The following CHODL variants were observed in gnomAD, a reference collection of about 807,000 sequenced individuals.
CHODL encodes the protein chondrolectin, also known as transmembrane protein MT75.
CHODL carries 29 observed loss-of-function variants against 34.5 expected under a neutral mutation model. The ratio of observed to expected loss-of-function variants is 0.84; its 90% CI spans 0.63 to 1.15. CHODL has a LOEUF of 1.15. CHODL is among the 50% of genes most tolerant of loss of function. CHODL has a pLI of 0.00. For synonymous variants in CHODL, 125 were observed against 116.1 expected, an observed-to-expected ratio of 1.08 and a Z score of -0.49; for missense variants, 332 against 332.5, an observed-to-expected ratio of 1.00 and a Z score of 0.01.
At position 18,121,768 on chromosome 21, in the gene CHODL, C is replaced by T. The variant is rs575651907; in HGVS notation, c.-45+93797C>T. Among the ~76,000 whole-genome samples, 8 of 152,236 alleles carry T rather than the reference C, an allele frequency of 5.3e-5. No homozygotes were observed. The South Asian group carries it at 1.7e-3, about 32-fold the overall frequency. On this transcript the variant is annotated intron_variant, in intron 2 of 6. Coordinates refer to the CHODL transcript ENST00000400127. ...ATCACACCTGTTTTTAACTCTCTAA[C>T]CACTGCTAATCACAATTAGAATAAA...
intron 1 of CHODL, among the ~76,000 whole-genome samples, chr21:17,976,373 G>T (rs1286528015): frequency 6.6e-6 from 1 of 151,224 alleles, no homozygotes; most frequent in Non-Finnish European, 1.5e-5. Context: ...GTAGATAATG[G>T]ATTCTTTTCA....
chr21:17,978,447 G>A lies in CHODL; in HGVS notation c.-144-49425G>A, dbSNP rs367686617. Among the ~76,000 whole-genome samples the A allele has an allele frequency of 2.9e-4, 44 of 151,026 alleles. No homozygotes were observed. The East Asian group carries it at 7.4e-3, about 26-fold the overall frequency. The stretch of plus-strand genomic sequence containing the variant: ...AAAAAAAAAAAAAAAGGCCGGGCGC[G>A]GTGGCGCACGCCTGTAATCCCAGCA... On this transcript the variant is annotated intron_variant, in intron 1 of 6. Transcript: ENST00000400127.
intron 1 of CHODL, among the ~76,000 whole-genome samples, chr21:17,948,319 A>T (rs891285124): frequency 3.9e-5 from 2 of 51,868 alleles, no homozygotes; most frequent in African/African-American, 1.7e-4. Flanking sequence ...AGAAAAAAGA[A>T]AAAAAAAGTT....
chr21:18,246,512 T>A lies in CHODL; in HGVS notation c.79+1210T>A, dbSNP rs115272885. On this transcript the variant is annotated intron_variant, in intron 1 of 5. Coordinates refer to ENST00000299295, the MANE Select transcript of CHODL (RefSeq NM_024944.3). ...TAGTTCTTACATGTGTAGTTACCGATCACTCTACACTTTTTTCAGAATTTT... is the reference window on the plus strand; with the variant it reads ...TAGTTCTTACATGTGTAGTTACCGAACACTCTACACTTTTTTCAGAATTTT... 7.8e-3 allele frequency among the ~76,000 whole-genome samples: 1,190 copies of A among 152,276 alleles called. 13 individuals are homozygous for A. Among genetic ancestry groups the A allele is most frequent in the African/African-American group, 0.027 (1,136 of 41,544 alleles).
rs576101943 is a variant in CHODL at position 18,027,349 on chromosome 21, A to G, written c.-144-523A>G. On this transcript the variant is annotated intron_variant, in intron 1 of 6. Transcript: ENST00000400127. The stretch of plus-strand genomic sequence containing the variant: ...TCCTTTCATTAGTTTTTTAATAGCA[A>G]TTATTAAACTAAATAGGTATGGATC... Among the ~76,000 whole-genome samples the G allele has an allele frequency of 2.6e-5, 4 of 152,308 alleles. No homozygotes were observed. In the South Asian group the frequency reaches 8.3e-4, roughly 32 times the overall value.
intron 2 of CHODL, among the ~76,000 whole-genome samples, chr21:18,107,736 C>A (rs964936757): frequency 6.6e-5 from 10 of 152,092 alleles, no homozygotes; most frequent in Admixed American, 6.6e-4. Context: ...AGAGAAATGG[C>A]CTGAGCTCAG....
At chr21:18,007,384 A>G (rs1278398537) in intron 1 of CHODL, among the ~76,000 whole-genome samples, 1 of 152,228 alleles carries the variant, frequency 6.6e-6, no homozygotes, top group Non-Finnish European at 1.5e-5. Context: ...TATTTACTAT[A>G]CATTACTTAT....
intron 1 of CHODL, among the ~76,000 whole-genome samples, chr21:18,251,642 T>A (rs929030689): frequency 7.6e-5 from 10 of 130,752 alleles, no homozygotes; most frequent in South Asian, 2.2e-4. Context: ...TTATTTATTT[T>A]AATATATAAA....
intron 1 of CHODL, among the ~76,000 whole-genome samples, chr21:17,918,071 G>A (rs530047229): frequency 4.6e-5 from 7 of 152,254 alleles, no homozygotes; most frequent in Non-Finnish European, 1.0e-4. Context: ...AAACAAGACA[G>A]GTTTAAATAG....
intron 1 of CHODL, among the ~76,000 whole-genome samples, chr21:17,953,088 CAG>C (rs2063471596): frequency 6.6e-6 from 1 of 152,072 alleles, no homozygotes; most frequent in African/African-American, 2.4e-5. Context: ...GGTGGGGACA[CAG>C]AGCCAAAACA....
intron 2 of CHODL, among the ~76,000 whole-genome samples, chr21:18,034,933 G>A (rs2064292535): frequency 6.6e-6 from 1 of 151,938 alleles, no homozygotes; most frequent in African/African-American, 2.4e-5. Flanking sequence ...TACCACAGTA[G>A]GTCATCTCAG....
intron 1 of CHODL, among the ~76,000 whole-genome samples, chr21:18,020,357 A>ATC (rs2064116717): frequency 6.6e-6 from 1 of 152,174 alleles, no homozygotes; most frequent in Admixed American, 6.5e-5. Flanking sequence ...CTGTAAAATG[A>ATC]CTGAAAGCTG....
intron 2 of CHODL, among the ~76,000 whole-genome samples, chr21:18,140,877 C>A (rs1036805666): frequency 6.6e-6 from 1 of 151,484 alleles, no homozygotes; most frequent in Non-Finnish European, 1.5e-5. Flanking sequence ...TTTGAAAATG[C>A]GAATTTTGAT....
At position 18,128,186 on chromosome 21, in the gene CHODL, G is replaced by A. The variant is rs1209668231; in HGVS notation, c.-45+100215G>A. ...CGTGGTGGCGGGCGCCTGTAGTCCC[G>A]GCTACTAGGGAGGCCGAGGCAGGAG... On this transcript the variant is annotated intron_variant, in intron 2 of 6. Transcript: ENST00000400127. Among the ~76,000 whole-genome samples the A allele has an allele frequency of 7.3e-5, 11 of 150,030 alleles. No homozygotes were observed. The East Asian group carries it at 9.8e-4, about 13-fold the overall frequency.
At chr21:18,070,237 T>C (rs114434646) in intron 2 of CHODL, among the ~76,000 whole-genome samples, 3,459 of 151,810 alleles carry the variant, frequency 0.023, 116 homozygotes, top group African/African-American at 0.08. Flanking sequence ...AAAAAAACTT[T>C]TTTTAAAAAA....
chr21:18,122,842 G>T (rs1316851429), intron 2 of CHODL, among the ~76,000 whole-genome samples: 1 of 152,114 alleles, frequency 6.6e-6, no homozygotes, highest in Admixed American at 6.5e-5. Context: ...AGTTTAAAGT[G>T]ATTTCATTAA....
chr21:18,133,127 G>A (rs73312463), intron 2 of CHODL, among the ~76,000 whole-genome samples: 24 of 150,980 alleles, frequency 1.6e-4, no homozygotes, highest in African/African-American at 5.6e-4. Flanking sequence ...TAGAAAAAGC[G>A]GTGTATGTCT....
intron 1 of CHODL, among the ~76,000 whole-genome samples, chr21:17,945,707 T>C (rs2063401685): frequency 2.0e-5 from 3 of 152,320 alleles, no homozygotes; most frequent in Non-Finnish European, 4.4e-5. Flanking sequence ...GGCTAAAATT[T>C]TCCTAATCTA....
At chr21:18,059,789 G>A (rs888229765) in intron 2 of CHODL, among the ~76,000 whole-genome samples, 3 of 152,108 alleles carry the variant, frequency 2.0e-5, no homozygotes, top group Admixed American at 1.3e-4. Flanking sequence ...TAAGCGGGGA[G>A]TGAACAATGA....
Sources: gnomAD v4.1 joint callset for allele counts (sites outside exome capture counted in the v4.1 genomes callset) on GRCh38, gnomAD v4.1.1 for gene constraint, MANE v1.5 for transcripts, NCBI Gene and HGNC (gene_info 2026-07-23, HGNC 2026-07-21) for gene names.